Variants in SEZ6L observed in about 807,000 individuals in gnomAD.
The protein encoded by SEZ6L is seizure 6-like protein.
A neutral mutation model predicts 106.2 loss-of-function variants in SEZ6L; 37 were observed. That is an observed-to-expected ratio of 0.35 (90% CI 0.27 to 0.46). The LOEUF (loss-of-function observed/expected upper bound fraction) is 0.46. Ranked by LOEUF, SEZ6L falls within the 20% of genes least tolerant of loss-of-function variation. The probability of loss-of-function intolerance (pLI) is 1.00; values close to 1 mark genes in which losing one functional copy is unlikely to be tolerated. For missense variants in SEZ6L, 1,172 were observed against 1,332.8 expected, an observed-to-expected ratio of 0.88 and a Z score of 1.88; for synonymous variants, 541 against 570.4, an observed-to-expected ratio of 0.95 and a Z score of 0.73.
chr22:26,319,360 TC>T (rs1036925891), intron 9 of SEZ6L, among the ~76,000 whole-genome samples: 2 of 152,216 alleles, frequency 1.3e-5, no homozygotes, highest in Non-Finnish European at 2.9e-5. Context: ...ACAACCGAAG[TC>T]ATAGCACCCA....
At chr22:26,178,851 G>A (rs1939200379) in intron 1 of SEZ6L, among the ~76,000 whole-genome samples, 1 of 152,178 alleles carries the variant, frequency 6.6e-6, no homozygotes, top group African/African-American at 2.4e-5. Flanking sequence ...ATTATGAGTT[G>A]CTGTTGTTAC....
chr22:26,212,254 AGAATGTAAAGG>A (rs1327728356), intron 1 of SEZ6L, among the ~76,000 whole-genome samples: 1 of 152,228 alleles, frequency 6.6e-6, no homozygotes, highest in Non-Finnish European at 1.5e-5. Flanking sequence ...TATCATAAAC[AGAATGTAAAGG>A]TTTTACAGTC....
At chr22:26,179,933 A>G (rs1165313187) in intron 1 of SEZ6L, among the ~76,000 whole-genome samples, 1 of 152,020 alleles carries the variant, frequency 6.6e-6, no homozygotes, top group African/African-American at 2.4e-5. Context: ...ATTAATTAAG[A>G]TCAGATTGAA....
intron 11 of SEZ6L, among the ~76,000 whole-genome samples, chr22:26,348,586 GAGAAAGAAAGAAAGAAAGAAAGAGAA>G (rs2083101144): frequency 1.7e-5 from 1 of 57,866 alleles, no homozygotes; most frequent in Non-Finnish European, 2.8e-5. Flanking sequence ...AAGAAAGAAA[GAGAAAGAAAGAAAGAAAGAAAGAGAA>G]AAAGAAAGAA....
chr22:26,181,240 A>T (rs1939369146), intron 1 of SEZ6L, among the ~76,000 whole-genome samples: 1 of 152,210 alleles, frequency 6.6e-6, no homozygotes, highest in South Asian at 2.1e-4. Context: ...TGAATATGGA[A>T]GTATGCCACC....
At chr22:26,220,176 C>T (rs1426334332) in intron 1 of SEZ6L, among the ~76,000 whole-genome samples, 5 of 152,176 alleles carry the variant, frequency 3.3e-5, no homozygotes, top group Non-Finnish European at 1.5e-5. Flanking sequence ...TTCTGGGCCA[C>T]AGATGCCACA....
intron 1 of SEZ6L, chr22:26,254,205 A>G (rs999851047): frequency 6.6e-6 from 1 of 152,240 alleles, no homozygotes; most frequent in African/African-American, 2.4e-5. Flanking sequence ...CTGTCCAGCT[A>G]GAGCGGTAAA....
chr22:26,257,477 C>T (rs1209150301), intron 1 of SEZ6L, among the ~76,000 whole-genome samples: 1 of 152,178 alleles, frequency 6.6e-6, no homozygotes, highest in Non-Finnish European at 1.5e-5. Context: ...TTATTGAAAA[C>T]TTGCTAAGTG....
intron 1 of SEZ6L, among the ~76,000 whole-genome samples, chr22:26,283,135 TG>T (rs2080826551): frequency 6.6e-6 from 1 of 152,140 alleles, no homozygotes; most frequent in African/African-American, 2.4e-5. Flanking sequence ...TTGGCCAGGC[TG>T]GTCTTCAACT....
intron 1 of SEZ6L, among the ~76,000 whole-genome samples, chr22:26,181,788 A>G (rs188524859): frequency 1.3e-5 from 2 of 152,324 alleles, no homozygotes; most frequent in African/African-American, 4.8e-5. Context: ...TATGTAATAT[A>G]TAATAACATA....
chr22:26,290,692 T>G (rs2081082169), intron 1 of SEZ6L, among the ~76,000 whole-genome samples: 1 of 152,154 alleles, frequency 6.6e-6, no homozygotes, highest in Non-Finnish European at 1.5e-5. Context: ...ACAAAATGAA[T>G]TACAAGAAGT....
intron 1 of SEZ6L, among the ~76,000 whole-genome samples, chr22:26,200,348 T>C (rs1253560314): frequency 2.0e-5 from 3 of 152,180 alleles, no homozygotes; most frequent in African/African-American, 7.2e-5. Flanking sequence ...GTAATTTTTT[T>C]TGAGCACTGA....
rs200293457 is a variant in SEZ6L, at chr22:26,292,931, C to T, written c.620C>T (p.Ser207Leu). 5.1e-5 allele frequency: 82 copies of T among 1,614,198 alleles called. No individual in the cohort carries two copies. Among genetic ancestry groups the T allele is most frequent in the Admixed American group, 1.2e-4 (7 of 60,034 alleles). Residue 207 changes from serine (S) to leucine (L), a missense_variant, in exon 2 of 17, where the codon TCG becomes TTG. Coordinates refer to ENST00000248933, the MANE Select transcript of SEZ6L (RefSeq NM_021115.5). ...PAPLQISPFT[S>L]QPYVAHTLPQ... ...CCCCTGCAAATCTCCCCCTTCACTT[C>T]GCAGCCCTATGTGGCCCACACACTC...
At chr22:26,269,802 A>G (rs1212661947) in intron 1 of SEZ6L, among the ~76,000 whole-genome samples, 3 of 152,240 alleles carry the variant, frequency 2.0e-5, no homozygotes, top group African/African-American at 7.2e-5. Context: ...GCTACAAGGA[A>G]TAGAGTCTAC....
chr22:26,238,433 A>G (rs558369482), intron 1 of SEZ6L, among the ~76,000 whole-genome samples: 8 of 152,348 alleles, frequency 5.3e-5, no homozygotes, highest in African/African-American at 1.9e-4. Context: ...CATTCATTCA[A>G]CCACTCCTTC....
chr22:26,262,174 TACAA>T (rs1019981265), intron 1 of SEZ6L, among the ~76,000 whole-genome samples: 6 of 149,730 alleles, frequency 4.0e-5, no homozygotes, highest in Admixed American at 2.0e-4. Context: ...TATATTGATA[TACAA>T]ACAAATATAT....
intron 9 of SEZ6L, among the ~76,000 whole-genome samples, chr22:26,339,754 G>A (rs2082764769): frequency 6.6e-6 from 1 of 152,196 alleles, no homozygotes; most frequent in Non-Finnish European, 1.5e-5. Context: ...AGCATGTTCT[G>A]CACTGAAGAA....
chr22:26,270,177 A>G (rs973605705), intron 1 of SEZ6L, among the ~76,000 whole-genome samples: 4 of 152,210 alleles, frequency 2.6e-5, no homozygotes, highest in African/African-American at 9.7e-5. Context: ...GAAGGATTGA[A>G]TAAGATGATG....
intron 1 of SEZ6L, among the ~76,000 whole-genome samples, chr22:26,276,850 G>A (rs191569423): frequency 6.6e-6 from 1 of 152,336 alleles, no homozygotes. Context: ...TGGCATTGAT[G>A]TCAGCCACAG....
Sources: gnomAD v4.1 joint callset for allele counts (sites outside exome capture counted in the v4.1 genomes callset) on GRCh38, gnomAD v4.1.1 for gene constraint, MANE v1.5 for transcripts, NCBI Gene and HGNC (gene_info 2026-07-23, HGNC 2026-07-21) for gene names.